SLC35F1: variants seen among roughly 807,000 people sequenced by gnomAD.
The protein encoded by SLC35F1 is solute carrier family 35 member F1.
Under a neutral mutation model 48.7 loss-of-function variants are expected in SLC35F1, and 14 were observed. The ratio of observed to expected loss-of-function variants is 0.29; its 90% confidence interval spans 0.19 to 0.45. SLC35F1 has a LOEUF of 0.45. Among genes scored for constraint, SLC35F1 ranks in the 20% least tolerant of loss-of-function variants. The pLI, the probability that SLC35F1 is intolerant of heterozygous loss-of-function variation, is 1.00. For synonymous variants in SLC35F1, 190 were observed against 202.2 expected, an observed-to-expected ratio of 0.94 and a Z score of 0.51; for missense variants, 404 against 500.0, an observed-to-expected ratio of 0.81 and a Z score of 1.83.
chr6:117,955,088 C>T (rs932773374), intron 1 of SLC35F1, among the ~76,000 whole-genome samples: 1 of 152,150 alleles, frequency 6.6e-6, no homozygotes, highest in East Asian at 1.9e-4. Context: ...TGGGTAAGTT[C>T]TTTTTTATAG....
Position 118,253,094 on chromosome 6 carries a change from T to C in SLC35F1, c.478-13901T>C, listed in dbSNP as rs1775597009. Among the ~76,000 whole-genome samples the C allele has an allele frequency of 2.0e-5, 3 of 152,214 alleles. No homozygotes were observed. In the South Asian group the frequency reaches 6.2e-4, roughly 32 times the overall value. ...GAGGTACTTTTGGAAGTCCTCAGCC[T>C]AGGGATGATTTTTAAAGTCAGAACG... On this transcript the variant is annotated intron_variant, in intron 3 of 7. Coordinates refer to ENST00000360388, the MANE Select transcript of SLC35F1 (RefSeq NM_001029858.4).
At position 118,200,773 on chromosome 6, in the gene SLC35F1, T is replaced by C. The variant is rs116190041; in HGVS notation, c.350-34736T>C. Among the ~76,000 whole-genome samples the C allele has an allele frequency of 1.8e-3, 278 of 152,256 alleles. 1 individual carries two copies. Among genetic ancestry groups the C allele is most frequent in the African/African-American group, 6.5e-3 (268 of 41,532 alleles). On this transcript the variant is annotated intron_variant, in intron 2 of 7. Transcript: ENST00000360388. The stretch of plus-strand genomic sequence containing the variant: ...TGCGATTATGGGTCAGTTTGGGGGT[T>C]TTGCTCCATGTAGTCATTCAGCACC...
intron 2 of SLC35F1, among the ~76,000 whole-genome samples, chr6:118,231,353 T>G (rs973740987): frequency 2.6e-5 from 4 of 152,318 alleles, no homozygotes; most frequent in African/African-American, 9.6e-5. Flanking sequence ...TATTACCAGC[T>G]GTACTGGTGT....
chr6:118,066,409 A>G (rs1362018091), intron 1 of SLC35F1, among the ~76,000 whole-genome samples: 1 of 152,222 alleles, frequency 6.6e-6, no homozygotes, highest in African/African-American at 2.4e-5. Flanking sequence ...AGCTATGGTC[A>G]GTAAGAAGCG....
intron 1 of SLC35F1, among the ~76,000 whole-genome samples, chr6:118,134,222 T>C (rs1582684971): frequency 6.6e-6 from 1 of 152,318 alleles, no homozygotes; most frequent in East Asian, 1.9e-4. Flanking sequence ...TGGTGGGTGT[T>C]TGCTAGGCCT....
chr6:117,959,527 T>C (rs1384169016), intron 1 of SLC35F1, among the ~76,000 whole-genome samples: 1 of 152,134 alleles, frequency 6.6e-6, no homozygotes, highest in African/African-American at 2.4e-5. Flanking sequence ...AAGAAAACAA[T>C]TCTAGCATCC....
chr6:117,914,835 T>A (rs1430805117), intron 1 of SLC35F1, among the ~76,000 whole-genome samples: 3 of 152,084 alleles, frequency 2.0e-5, no homozygotes, highest in Admixed American at 6.6e-5. Flanking sequence ...ACTCAACGTC[T>A]ACATAGATTC....
chr6:118,200,626 G>T (rs1462759745), intron 2 of SLC35F1, among the ~76,000 whole-genome samples: 2 of 152,164 alleles, frequency 1.3e-5, no homozygotes, highest in African/African-American at 2.4e-5. Flanking sequence ...TTTTAGCCCA[G>T]ATTTTTAAGG....
At chr6:118,189,831 A>G (rs972832534) in intron 2 of SLC35F1, among the ~76,000 whole-genome samples, 7 of 152,350 alleles carry the variant, frequency 4.6e-5, no homozygotes, top group African/African-American at 1.7e-4. Context: ...CAGAAATCCA[A>G]AGTGAGGTAC....
At chr6:118,222,595 A>G (rs1340798748) in intron 2 of SLC35F1, among the ~76,000 whole-genome samples, 4 of 152,168 alleles carry the variant, frequency 2.6e-5, no homozygotes, top group African/African-American at 9.7e-5. Context: ...AAAAAAACTT[A>G]ATTATTTTCA....
chr6:118,255,795 A>AT (rs1775635756), intron 3 of SLC35F1, among the ~76,000 whole-genome samples: 2 of 152,210 alleles, frequency 1.3e-5, no homozygotes. Context: ...AAGGGCTGTT[A>AT]TATATAGTTA....
At chr6:117,959,392 C>G (rs1776466387) in intron 1 of SLC35F1, among the ~76,000 whole-genome samples, 1 of 152,134 alleles carries the variant, frequency 6.6e-6, no homozygotes, top group Non-Finnish European at 1.5e-5. Flanking sequence ...TGCTGTCCTC[C>G]AGGTCCAGGA....
chr6:118,242,348 T>C (rs1201466996), intron 3 of SLC35F1, among the ~76,000 whole-genome samples: 1 of 146,790 alleles, frequency 6.8e-6, no homozygotes. Context: ...TTGAGAGAAA[T>C]ATTTTTAACT....
At chr6:118,057,589 A>G (rs1294584625) in intron 1 of SLC35F1, among the ~76,000 whole-genome samples, 2 of 152,174 alleles carry the variant, frequency 1.3e-5, no homozygotes, top group Non-Finnish European at 2.9e-5. Flanking sequence ...CTAAAACGCT[A>G]TTGTCTTAGT....
chr6:118,271,481 A>G (rs925995437), intron 4 of SLC35F1, among the ~76,000 whole-genome samples: 6 of 152,160 alleles, frequency 3.9e-5, no homozygotes, highest in Non-Finnish European at 8.8e-5. Context: ...GAGTCCCAGG[A>G]AAACAAGATA....
intron 2 of SLC35F1, among the ~76,000 whole-genome samples, chr6:118,198,168 A>G (rs1199248685): frequency 6.6e-6 from 1 of 152,210 alleles, no homozygotes; most frequent in Admixed American, 6.5e-5. Context: ...TCAATCATGC[A>G]ATCTGTGAAG....
intron 6 of SLC35F1, among the ~76,000 whole-genome samples, chr6:118,278,925 T>C (rs1225925700): frequency 6.6e-6 from 1 of 152,204 alleles, no homozygotes; most frequent in Non-Finnish European, 1.5e-5. Flanking sequence ...AATTCAGTGT[T>C]AGTTAAATGA....
intron 2 of SLC35F1, among the ~76,000 whole-genome samples, chr6:118,173,496 G>A (rs571807036): frequency 3.3e-4 from 50 of 152,188 alleles, no homozygotes; most frequent in Non-Finnish European, 6.3e-4. Context: ...CACAAGGCAG[G>A]TCTACATATA....
intron 1 of SLC35F1, among the ~76,000 whole-genome samples, chr6:118,076,526 G>C (rs945428853): frequency 2.0e-5 from 3 of 152,182 alleles, no homozygotes; most frequent in Non-Finnish European, 1.5e-5. Context: ...GGTGACGAGA[G>C]AGACGGAGAG....
Sources: gnomAD v4.1 joint callset for allele counts (sites outside exome capture counted in the v4.1 genomes callset) on GRCh38, gnomAD v4.1.1 for gene constraint, MANE v1.5 for transcripts, NCBI Gene and HGNC (gene_info 2026-07-23, HGNC 2026-07-21) for gene names.